Variants in ACOT9 observed in about 807,000 individuals in gnomAD.
ACOT9 encodes acyl-coenzyme A thioesterase 9, mitochondrial.
ACOT9 carries 34 observed loss-of-function variants against 39.7 expected under a neutral mutation model. The ratio of observed to expected loss-of-function variants is 0.86; its 90% CI spans 0.65 to 1.14. ACOT9 has a LOEUF of 1.14. ACOT9 is among the 50% of genes most tolerant of loss of function. ACOT9 has a pLI of 0.00. For synonymous variants in ACOT9, 110 were observed against 120.5 expected (o/e 0.91, Z 0.57); for missense variants, 313 against 344.1 (o/e 0.91, Z 0.71).
chrX:23,708,652 A>C (rs1393778127), intron 9 of ACOT9, among the ~76,000 whole-genome samples: 1 of 112,527 alleles, frequency 8.9e-6, no homozygotes, highest in Non-Finnish European at 1.9e-5. Context: ...AACCAAATGC[A>C]ATATACAATC....
intron 15 of ACOT9, among the ~76,000 whole-genome samples, chrX:23,704,432 G>A (rs1426449689): frequency 1.9e-5 from 2 of 105,180 alleles, no homozygotes; most frequent in Non-Finnish European, 3.9e-5. Flanking sequence ...TGCCCGTCTC[G>A]GCCTCCCAAA....
chrX:23,743,079 C>T lies in ACOT9; in HGVS notation c.20+46G>A, dbSNP rs759119868. ...GAAGCTCTAGGGGAAGACGATGGCA[C>T]CCCAGGCTACCGCCCTGCCAGCCCC... is the stretch of plus-strand genomic sequence containing the variant. On this transcript the variant is annotated intron_variant, in intron 1 of 15. Coordinates refer to ENST00000379303, the MANE Select transcript of ACOT9 (RefSeq NM_001037171.2). 8 of 1,124,825 alleles carry T rather than the reference C, an allele frequency of 7.1e-6. 1 individual carries two copies. The South Asian group carries it at 1.1e-4, about 15-fold the overall frequency. 92.7% of individuals were successfully genotyped at this position (1,124,825 alleles called of 1,213,427 possible). A position where few individuals can be genotyped will look rare whatever the true frequency, so the allele number is the denominator to read the frequency against.
At chrX:23,718,814 G>A (rs1352570075) in intron 8 of ACOT9, among the ~76,000 whole-genome samples, 1 of 104,746 alleles carries the variant, frequency 9.5e-6, no homozygotes, top group Non-Finnish European at 1.9e-5. Context: ...GCTGAGGCAG[G>A]AGAATGGCAT....
intron 6 of ACOT9, among the ~76,000 whole-genome samples, chrX:23,728,306 T>C (rs776838838): frequency 3.5e-4 from 39 of 110,425 alleles, no homozygotes; most frequent in Admixed American, 3.1e-3. Context: ...TGGCAGAGCA[T>C]GTCACAGCTT....
intron 2 of ACOT9, among the ~76,000 whole-genome samples, chrX:23,735,491 T>C (rs1029161273): frequency 9.0e-6 from 1 of 111,424 alleles, no homozygotes; most frequent in African/African-American, 3.3e-5. Context: ...CGAATACTCC[T>C]AGTTTAATAA....
chrX:23,730,425 T>C lies in ACOT9; in HGVS notation c.400+102A>G, dbSNP rs753866020. Reference sequence around the variant, plus strand: ...TTCTTTTTTTGTGCACTTTAGAATATCATCATCTGTGCAGGTTAAAGAATA... The same window carrying C: ...TTCTTTTTTTGTGCACTTTAGAATACCATCATCTGTGCAGGTTAAAGAATA... On this transcript the variant is annotated intron_variant, in intron 6 of 15. Coordinates refer to ENST00000379303, the MANE Select transcript of ACOT9 (RefSeq NM_001037171.2). 6.3e-4 allele frequency: 421 copies of C among 667,553 alleles called. 1 individual carries two copies. The highest frequency in any genetic ancestry group is 5.0e-3 in the South Asian group (195 of 39,163). 55.0% of individuals were successfully genotyped at this position (667,553 alleles called of 1,213,427 possible).
intron 10 of ACOT9, 69 bp from the exon 11 acceptor site, chrX:23,706,808 G>T: frequency 3.2e-6 from 2 of 620,751 alleles, no homozygotes; most frequent in South Asian, 6.2e-5. Flanking sequence ...TTCTGACCTG[G>T]GATGCCTTTC....
chrX:23,741,622 T>C (rs1464305199), intron 1 of ACOT9, among the ~76,000 whole-genome samples: 1 of 112,281 alleles, frequency 8.9e-6, no homozygotes, highest in Non-Finnish European at 1.9e-5. Context: ...TCAGTCTATA[T>C]TCATTTGTGA....
At chrX:23,706,047 A>G (rs1390120365) in intron 11 of ACOT9, among the ~76,000 whole-genome samples, 189 bp from the exon 12 acceptor site, 1 of 108,919 alleles carries the variant, frequency 9.2e-6, no homozygotes, top group Admixed American at 9.8e-5. Context: ...GGCAGATCAC[A>G]TGAGGTCAGG....
intron 3 of ACOT9, among the ~76,000 whole-genome samples, chrX:23,734,116 T>C (rs1003312943): frequency 8.9e-6 from 1 of 112,103 alleles, no homozygotes; most frequent in African/African-American, 3.2e-5. Flanking sequence ...CAGAGACTAA[T>C]ACTAATATCC....
chrX:23,729,279 C>G (rs1459668766), intron 6 of ACOT9, among the ~76,000 whole-genome samples: 1 of 111,551 alleles, frequency 9.0e-6, no homozygotes, highest in Non-Finnish European at 1.9e-5. Context: ...TAACCCAAAG[C>G]TAATCATGAG....
intron 6 of ACOT9, among the ~76,000 whole-genome samples, chrX:23,730,282 G>A (rs774861482): frequency 5.2e-4 from 56 of 107,991 alleles, no homozygotes; most frequent in African/African-American, 1.9e-3. Context: ...TAGTAGAGAC[G>A]GGGTTTCTCC....
At chrX:23,712,876 C>A (rs768338016) in intron 9 of ACOT9, among the ~76,000 whole-genome samples, 1 of 112,718 alleles carries the variant, frequency 8.9e-6, no homozygotes, top group South Asian at 3.6e-4. Context: ...CAGCCTTGGC[C>A]TCCCAAAGTG....
At chrX:23,705,148 A>C in intron 13 of ACOT9, 68 bp from the exon 14 acceptor site, 1 of 912,341 alleles carries the variant, frequency 1.1e-6, no homozygotes, top group South Asian at 2.2e-5. Context: ...GTTTCCTCTA[A>C]CAACTAGCTG....
At chrX:23,742,575 G>A (rs1920987223) in intron 1 of ACOT9, among the ~76,000 whole-genome samples, 1 of 111,265 alleles carries the variant, frequency 9.0e-6, no homozygotes, top group Non-Finnish European at 1.9e-5. Context: ...TAAGGGCTTT[G>A]CGGCTCATTA....
At chrX:23,719,950 C>G (rs1284458874) in intron 8 of ACOT9, among the ~76,000 whole-genome samples, 1 of 111,442 alleles carries the variant, frequency 9.0e-6, no homozygotes, top group Non-Finnish European at 1.9e-5. Flanking sequence ...CATTCTCCTG[C>G]CTCAGCCTCC....
At chrX:23,713,330 C>A in intron 8 of ACOT9, 122 bp from the exon 9 acceptor site, 2 of 532,759 alleles carry the variant, frequency 3.8e-6, no homozygotes, top group Non-Finnish European at 6.1e-6. Context: ...ATAATCCCAG[C>A]ACTTTGAGAG....
intron 1 of ACOT9, among the ~76,000 whole-genome samples, chrX:23,739,337 G>C (rs1427498161): frequency 9.0e-6 from 1 of 111,394 alleles, no homozygotes; most frequent in African/African-American, 3.3e-5. Context: ...CTGTAAAATG[G>C]GGATAATAAT....
rs1484804466 is a variant in ACOT9 at position 23,701,099 on chromosome X, C to CA, written c.*2794dup. On this transcript the variant is annotated 3_prime_UTR_variant, in exon 16 of 16. Transcript: ENST00000379303. ...TTTACTGCAACATTGTTTATAATAG[C>CA]AAAAAAGAAATACTAGAAAAAGCTT... 7.7e-4 allele frequency among the ~76,000 whole-genome samples: 86 copies of CA among 111,253 alleles called. No homozygotes were observed. Among genetic ancestry groups the CA allele is most frequent in the Non-Finnish European group, 1.2e-3 (64 of 53,008 alleles).
Sources: gnomAD v4.1 joint callset for allele counts (sites outside exome capture counted in the v4.1 genomes callset) on GRCh38, gnomAD v4.1.1 for gene constraint, MANE v1.5 for transcripts, NCBI Gene and HGNC (gene_info 2026-07-23, HGNC 2026-07-21) for gene names.